Variants in NRXN3 observed in about 807,000 individuals in gnomAD.
NRXN3 encodes neurexin III.
Under a neutral mutation model 137.6 loss-of-function variants are expected in NRXN3, and 32 were observed. The ratio of observed to expected loss-of-function variants is 0.23; its 90% CI spans 0.18 to 0.31. The LOEUF is 0.31. Ranked by LOEUF, NRXN3 falls within the 10% of genes least tolerant of loss-of-function variation. The pLI, the probability that NRXN3 is intolerant of heterozygous loss-of-function variation, is 1.00. For synonymous variants in NRXN3, 798 were observed against 784.5 expected, an observed-to-expected ratio of 1.02 and a Z score of -0.29; for missense variants, 1,574 against 2,062.5, an observed-to-expected ratio of 0.76 and a Z score of 4.59.
chr14:79,216,467 T>C (rs2068518822), intron 15 of NRXN3, among the ~76,000 whole-genome samples: 1 of 152,154 alleles, frequency 6.6e-6, no homozygotes, highest in South Asian at 2.1e-4. Flanking sequence ...AGAGTCAAGG[T>C]CACATTGCAA....
intron 17 of NRXN3, among the ~76,000 whole-genome samples, chr14:79,665,066 G>A (rs2098551553): frequency 1.3e-5 from 2 of 152,120 alleles, no homozygotes; most frequent in Non-Finnish European, 2.9e-5. Flanking sequence ...TTGCCTATTT[G>A]TAGGCCAAGA....
intron 4 of NRXN3, among the ~76,000 whole-genome samples, chr14:78,567,561 C>A (rs2096847616): frequency 6.6e-6 from 1 of 152,118 alleles, no homozygotes; most frequent in Non-Finnish European, 1.5e-5. Flanking sequence ...TTGGTTAAAG[C>A]TAATGGGGCT....
intron 10 of NRXN3, among the ~76,000 whole-genome samples, chr14:78,824,655 A>G (rs191669165): frequency 1.3e-5 from 2 of 152,336 alleles, no homozygotes; most frequent in East Asian, 3.9e-4. Context: ...CCAACTCTTG[A>G]AGGGAAATAT....
chr14:79,475,954 C>A lies in NRXN3; in HGVS notation c.3444+8552C>A, dbSNP rs147185733. Among the ~76,000 whole-genome samples the A allele has an allele frequency of 2.6e-5, 4 of 152,216 alleles. No homozygotes were observed. The East Asian group carries it at 7.7e-4, about 29-fold the overall frequency. On this transcript the variant is annotated intron_variant, in intron 16 of 20. Transcript: ENST00000335750. ...TGAATCTAAAATGCAACAAGCAAGG[C>A]AAACTCTAAGTGCCATCACGTGAAT...
At chr14:79,451,551 A>G (rs946776078) in intron 15 of NRXN3, among the ~76,000 whole-genome samples, 2 of 152,190 alleles carry the variant, frequency 1.3e-5, no homozygotes, top group Non-Finnish European at 1.5e-5. Context: ...AGGATCCCTT[A>G]GAGATAATGT....
intron 6 of NRXN3, among the ~76,000 whole-genome samples, chr14:78,702,016 T>G (rs1333322135): frequency 6.6e-6 from 1 of 152,176 alleles, no homozygotes; most frequent in East Asian, 1.9e-4. Context: ...TGACCCCTGT[T>G]AGCAAGACCA....
intron 15 of NRXN3, chr14:79,074,586 G>T (rs1020457657): frequency 3.3e-5 from 5 of 152,196 alleles, no homozygotes; most frequent in African/African-American, 1.2e-4. Context: ...TCTTGTTATG[G>T]AAGGAAACCT....
chr14:79,210,363 G>A (rs771046676), intron 15 of NRXN3, among the ~76,000 whole-genome samples: 3 of 152,168 alleles, frequency 2.0e-5, no homozygotes, highest in Non-Finnish European at 2.9e-5. Context: ...TAACTGGCAC[G>A]TAGGAAGCAT....
chr14:79,095,668 T>C (rs537025115), intron 15 of NRXN3, among the ~76,000 whole-genome samples: 60 of 151,894 alleles, frequency 4.0e-4, no homozygotes, highest in Middle Eastern at 3.4e-3. Context: ...CATGTGAGAT[T>C]TGAAGAAAAA....
intron 15 of NRXN3, among the ~76,000 whole-genome samples, chr14:79,448,832 G>A (rs890791211): frequency 6.6e-6 from 1 of 152,156 alleles, no homozygotes; most frequent in Non-Finnish European, 1.5e-5. Context: ...GGGTGAACAT[G>A]TGGTTTGGGG....
intron 4 of NRXN3, among the ~76,000 whole-genome samples, chr14:78,416,787 CTG>C (rs1445620054): frequency 2.5e-4 from 38 of 152,308 alleles, no homozygotes; most frequent in South Asian, 1.4e-3. Flanking sequence ...GGTAGGAAAA[CTG>C]TACTGCTGCA....
intron 1 of NRXN3, among the ~76,000 whole-genome samples, chr14:78,192,222 G>A (rs895093074): frequency 2.0e-5 from 3 of 152,108 alleles, no homozygotes; most frequent in Non-Finnish European, 4.4e-5. Flanking sequence ...CTGCTCAGAT[G>A]TTAAACTGAT....
intron 16 of NRXN3, among the ~76,000 whole-genome samples, chr14:79,558,240 G>T (rs2097451116): frequency 6.6e-6 from 1 of 152,002 alleles, no homozygotes; most frequent in Non-Finnish European, 1.5e-5. Flanking sequence ...TTGATATTTT[G>T]ACCTCCCATG....
At chr14:78,464,878 C>T (rs761211037) in intron 4 of NRXN3, among the ~76,000 whole-genome samples, 1 of 152,158 alleles carries the variant, frequency 6.6e-6, no homozygotes, top group Non-Finnish European at 1.5e-5. Context: ...ATTCCTCCTC[C>T]GAATTCTCAG....
At chr14:78,688,056 T>C (rs968987078) in intron 6 of NRXN3, among the ~76,000 whole-genome samples, 1 of 152,130 alleles carries the variant, frequency 6.6e-6, no homozygotes, top group Admixed American at 6.5e-5. Context: ...GCCTATTGAG[T>C]GGAGATGTCA....
At chr14:78,441,634 TGGTG>T (rs1216468277) in intron 4 of NRXN3, among the ~76,000 whole-genome samples, 17 of 152,068 alleles carry the variant, frequency 1.1e-4, no homozygotes, top group South Asian at 2.1e-4. Flanking sequence ...GTGGATTGAA[TGGTG>T]GTTCCCCCAA....
intron 10 of NRXN3, among the ~76,000 whole-genome samples, chr14:78,908,717 G>T (rs910052887): frequency 6.6e-6 from 1 of 151,996 alleles, no homozygotes; most frequent in Non-Finnish European, 1.5e-5. Context: ...GGTTTGAATA[G>T]AGGCCCTATC....
intron 15 of NRXN3, among the ~76,000 whole-genome samples, chr14:79,350,958 TA>T (rs1160796656): frequency 6.6e-6 from 1 of 152,186 alleles, no homozygotes; most frequent in African/African-American, 2.4e-5. Flanking sequence ...TTAATGCTAT[TA>T]TAATCCTCAA....
chr14:79,055,052 A>G (rs1240289295), intron 15 of NRXN3, among the ~76,000 whole-genome samples: 2 of 152,028 alleles, frequency 1.3e-5, no homozygotes, highest in Admixed American at 1.3e-4. Flanking sequence ...GGATTCCACT[A>G]CCCTAATCCC....
Sources: allele counts gnomAD v4.1 joint callset (sites outside exome capture counted in the v4.1 genomes callset), GRCh38; gene constraint gnomAD v4.1.1; transcripts MANE v1.5; gene names NCBI Gene and HGNC (gene_info 2026-07-23, HGNC 2026-07-21).